Variants in CATSPERT observed in about 807,000 individuals in gnomAD.
CATSPERT encodes the protein catsper channel auxiliary subunit tau, also known as cation channel sperm-associated targeting subunit tau.
the CATSPERT span, among the ~76,000 whole-genome samples, chr2:201,552,141 C>T: frequency 1.3e-5 from 2 of 151,866 alleles, no homozygotes; most frequent in Non-Finnish European, 1.5e-5. Context: ...GTGCATGCCA[C>T]GCCTGGCTAA....
At chr2:201,577,130 T>A in the CATSPERT span, among the ~76,000 whole-genome samples, 1 of 152,172 alleles carries the variant, frequency 6.6e-6, no homozygotes, top group Admixed American at 6.5e-5. Context: ...TAAAATATTG[T>A]ATAAAATTAC....
the CATSPERT span, among the ~76,000 whole-genome samples, chr2:201,540,725 T>G: frequency 6.6e-6 from 1 of 152,258 alleles, no homozygotes; most frequent in Non-Finnish European, 1.5e-5. Context: ...GTTGCTTTCA[T>G]GCCTGCAAAC....
At chr2:201,529,053 A>G in the CATSPERT span, among the ~76,000 whole-genome samples, 2 of 152,150 alleles carry the variant, frequency 1.3e-5, no homozygotes, top group African/African-American at 4.8e-5. Flanking sequence ...CCAAGGAGGT[A>G]AAAGACTTCT....
chr2:201,506,583 T>C, the CATSPERT span, among the ~76,000 whole-genome samples: 1 of 152,184 alleles, frequency 6.6e-6, no homozygotes, highest in Non-Finnish European at 1.5e-5. Flanking sequence ...AGACGGAGTC[T>C]TGCTCTGTCA....
chr2:201,492,305 C>A, the CATSPERT span: 2 of 1,535,940 alleles, frequency 1.3e-6, no homozygotes, highest in South Asian at 2.4e-5. Context: ...TGGTTGATCC[C>A]TTCTAATTGC....
chr2:201,586,157 A>T, the CATSPERT span, among the ~76,000 whole-genome samples: 1 of 152,208 alleles, frequency 6.6e-6, no homozygotes, highest in Non-Finnish European at 1.5e-5. Flanking sequence ...AGAATACAGT[A>T]TATAATACAT....
the CATSPERT span, among the ~76,000 whole-genome samples, chr2:201,518,613 T>A: frequency 6.6e-6 from 1 of 152,330 alleles, no homozygotes; most frequent in East Asian, 1.9e-4. Context: ...GTTGACAATG[T>A]CCAAGACAGA....
the CATSPERT span, among the ~76,000 whole-genome samples, chr2:201,520,607 G>T: frequency 2.6e-5 from 4 of 152,196 alleles, no homozygotes; most frequent in Admixed American, 2.0e-4. Context: ...TTCATTGAGG[G>T]TCAGGTGCGG....
the CATSPERT span, chr2:201,603,115 T>C: frequency 2.6e-4 from 224 of 863,866 alleles, 2 homozygotes; most frequent in South Asian, 3.2e-3. Flanking sequence ...GATGATAAAA[T>C]GGTCAATGTG....
chr2:201,604,647 T>A, the CATSPERT span: 4 of 1,605,226 alleles, frequency 2.5e-6, no homozygotes, highest in Non-Finnish European at 3.4e-6. Flanking sequence ...GCGTCTCCTG[T>A]GTTATTTCCA....
chr2:201,595,752 G>T, the CATSPERT span, among the ~76,000 whole-genome samples: 1 of 152,260 alleles, frequency 6.6e-6, no homozygotes, highest in African/African-American at 2.4e-5. Context: ...GTTTGGCAGG[G>T]CACAGACAAA....
At chr2:201,556,327 G>C in the CATSPERT span, among the ~76,000 whole-genome samples, 23 of 152,042 alleles carry the variant, frequency 1.5e-4, no homozygotes, top group Admixed American at 7.2e-4. Context: ...GGCTAACACG[G>C]TGAAACCCCG....
the CATSPERT span, chr2:201,494,393 G>A: frequency 6.5e-7 from 1 of 1,537,316 alleles, no homozygotes. Context: ...GTGTTTGCCT[G>A]TACATTTCCA....
chr2:201,579,507 C>A, the CATSPERT span, among the ~76,000 whole-genome samples: 18 of 152,008 alleles, frequency 1.2e-4, no homozygotes, highest in Non-Finnish European at 2.5e-4. Context: ...TGGTCTCAAA[C>A]TCCTGGGCTA....
At chr2:201,563,090 G>T in the CATSPERT span, among the ~76,000 whole-genome samples, 14 of 149,058 alleles carry the variant, frequency 9.4e-5, no homozygotes, top group Admixed American at 8.7e-4. Flanking sequence ...CAGTAGGGGC[G>T]GCCGGGCAGA....
chr2:201,545,601 T>C, the CATSPERT span: 1 of 1,305,814 alleles, frequency 7.7e-7, no homozygotes, highest in Non-Finnish European at 1.0e-6. Flanking sequence ...TGTTTTCAGA[T>C]GCCTCATCTA....
chr2:201,615,201 C>T, the CATSPERT span, among the ~76,000 whole-genome samples: 1 of 152,048 alleles, frequency 6.6e-6, no homozygotes, highest in Non-Finnish European at 1.5e-5. Flanking sequence ...CTGCACCAAG[C>T]AGACCTAATA....
the CATSPERT span, chr2:201,574,232 A>T: frequency 6.2e-7 from 1 of 1,604,150 alleles, no homozygotes; most frequent in Non-Finnish European, 8.5e-7. Context: ...CCATAACCAA[A>T]GTTTCCATAG....
chr2:201,613,334 G>A, the CATSPERT span, among the ~76,000 whole-genome samples: 1 of 152,126 alleles, frequency 6.6e-6, no homozygotes, highest in African/African-American at 2.4e-5. Flanking sequence ...ATACAACTGG[G>A]TGCCCCTCTG....
Sources: allele counts gnomAD v4.1 joint callset (sites outside exome capture counted in the v4.1 genomes callset), GRCh38; gene constraint gnomAD v4.1.1; transcripts MANE v1.5; gene names NCBI Gene and HGNC (gene_info 2026-07-23, HGNC 2026-07-21).